The following TUFT1 variants were observed in gnomAD, a reference collection of about 807,000 sequenced individuals.
The protein encoded by TUFT1 is tuftelin 1, also known as tuftelin.
In TUFT1, 43 loss-of-function variants were observed where a neutral mutation model predicts 57.8. The ratio of observed to expected loss-of-function variants is 0.74; its 90% CI spans 0.58 to 0.96. The LOEUF is 0.96. Ranked by LOEUF, TUFT1 falls within the 40% of genes least tolerant of loss-of-function variation. TUFT1 has a pLI of 0.00. For missense variants in TUFT1, 459 were observed against 489.0 expected, an observed-to-expected ratio of 0.94 and a Z score of 0.58; for synonymous variants, 166 against 176.7, an observed-to-expected ratio of 0.94 and a Z score of 0.48.
chr1:151,578,164 A>G (rs562353811), intron 9 of TUFT1, among the ~76,000 whole-genome samples: 13 of 152,304 alleles, frequency 8.5e-5, no homozygotes, highest in East Asian at 3.9e-4. Flanking sequence ...TCCTGTGTTA[A>G]TATAAAAACA....
chr1:151,546,053 A>G (rs924647352), intron 1 of TUFT1, among the ~76,000 whole-genome samples: 2 of 122,048 alleles, frequency 1.6e-5, no homozygotes, highest in African/African-American at 3.4e-5. Context: ...CCATTACTTT[A>G]ATGCATTTTA....
intron 1 of TUFT1, 78 bp downstream of exon 1, chr1:151,540,504 G>GTGT: frequency 6.4e-7 from 1 of 1,552,518 alleles, no homozygotes; most frequent in South Asian, 1.1e-5. Context: ...GCCCCGCGCC[G>GTGT]TGTTGGCTGA....
chr1:151,576,588 T>C (rs1365895925), intron 9 of TUFT1, among the ~76,000 whole-genome samples: 1 of 152,228 alleles, frequency 6.6e-6, no homozygotes, highest in African/African-American at 2.4e-5. Context: ...GTTAACTTGC[T>C]GTAATGGGTT....
At chr1:151,562,910 G>A (rs903120583) in intron 3 of TUFT1, among the ~76,000 whole-genome samples, 1 of 152,196 alleles carries the variant, frequency 6.6e-6, no homozygotes, top group Admixed American at 6.5e-5. Context: ...CAGGCAAGGG[G>A]ATGGACTGGA....
chr1:151,574,216 C>T (rs1199452060), intron 7 of TUFT1, 54 bp from the exon 8 acceptor site: 9 of 1,566,314 alleles, frequency 5.7e-6, no homozygotes, highest in Non-Finnish European at 7.8e-6. Flanking sequence ...AGGTTTTTTT[C>T]CATGTTTGCT....
chr1:151,567,230 T>C (rs1419224128), intron 6 of TUFT1, among the ~76,000 whole-genome samples: 1 of 151,652 alleles, frequency 6.6e-6, no homozygotes, highest in East Asian at 1.9e-4. Flanking sequence ...TTATTATTTT[T>C]TGGGACAGGG....
intron 1 of TUFT1, among the ~76,000 whole-genome samples, chr1:151,552,646 G>A (rs1235731161): frequency 4.2e-5 from 6 of 141,826 alleles, no homozygotes; most frequent in Non-Finnish European, 9.0e-5. Context: ...GGAGGTTGCA[G>A]TGAGCCGAGA....
At chr1:151,573,785 C>T (rs1012081273) in intron 7 of TUFT1, among the ~76,000 whole-genome samples, 5 of 152,144 alleles carry the variant, frequency 3.3e-5, no homozygotes, top group Admixed American at 2.6e-4. Context: ...ACAAATTCTT[C>T]CTGATGCTTA....
intron 1 of TUFT1, 117 bp from the exon 2 acceptor site, chr1:151,561,974 G>A: frequency 6.7e-7 from 1 of 1,484,266 alleles, no homozygotes; most frequent in South Asian, 1.2e-5. Context: ...AGTCTGTGAA[G>A]TGGTGATGAT....
intron 1 of TUFT1, among the ~76,000 whole-genome samples, chr1:151,549,367 G>A (rs915362627): frequency 3.3e-5 from 5 of 152,196 alleles, no homozygotes; most frequent in Non-Finnish European, 4.4e-5. Flanking sequence ...TGCAGGCCGA[G>A]GTCTGTGGCC....
intron 4 of TUFT1, 143 bp downstream of exon 4, chr1:151,564,133 G>C (rs1022498662): frequency 3.1e-6 from 2 of 654,784 alleles, no homozygotes; most frequent in Non-Finnish European, 5.2e-6. Context: ...CCTCCCGTGT[G>C]TCAAATATAT....
At chr1:151,569,566 T>G in intron 6 of TUFT1, 91 bp from the exon 7 acceptor site, 1 of 1,048,538 alleles carries the variant, frequency 9.5e-7, no homozygotes, top group Non-Finnish European at 1.5e-6. Flanking sequence ...GACGAGATGG[T>G]CCAAACCAGT....
chr1:151,551,821 A>G (rs1419265834), intron 1 of TUFT1, among the ~76,000 whole-genome samples: 3 of 152,222 alleles, frequency 2.0e-5, no homozygotes, highest in African/African-American at 7.2e-5. Flanking sequence ...TAATACCATA[A>G]TAAGGAGTTT....
chr1:151,545,267 G>A (rs1665297417), intron 1 of TUFT1, among the ~76,000 whole-genome samples: 1 of 151,644 alleles, frequency 6.6e-6, no homozygotes, highest in Admixed American at 6.6e-5. Context: ...CCGAGATCAC[G>A]CCATTGCACT....
intron 2 of TUFT1, 157 bp from the exon 3 acceptor site, chr1:151,562,428 C>T (rs757030923): frequency 1.1e-5 from 8 of 709,048 alleles, no homozygotes; most frequent in South Asian, 3.6e-5. Context: ...GTTAGAAGTT[C>T]GGAAACGAAT....
chr1:151,581,897 T>C lies in TUFT1; in HGVS notation c.*190T>C. Reference sequence around the variant, plus strand: ...GCTGGGCAGACGGAGCACGAGCACCTATTCAAGGCACTGCAGCCCTTTGGA... The same window carrying C: ...GCTGGGCAGACGGAGCACGAGCACCCATTCAAGGCACTGCAGCCCTTTGGA... On this transcript the variant is annotated 3_prime_UTR_variant, in exon 13 of 13. Transcript: ENST00000368849. The C allele has an allele frequency of 3.1e-6, 2 of 639,382 alleles. No homozygotes were observed. Among genetic ancestry groups the C allele is most frequent in the South Asian group, 3.6e-5 (2 of 54,840 alleles). The allele number at this position is 639,382 out of a possible 1,614,324, so 39.6% of individuals were successfully genotyped here. A position where few individuals can be genotyped will look rare whatever the true frequency, so the allele number is the denominator to read the frequency against.
intron 11 of TUFT1, among the ~76,000 whole-genome samples, chr1:151,579,960 C>T (rs1400454167): frequency 6.6e-6 from 1 of 152,220 alleles, no homozygotes; most frequent in Non-Finnish European, 1.5e-5. Flanking sequence ...CCACCTTCAA[C>T]GGACATGTCA....
At chr1:151,569,807 G>C in intron 7 of TUFT1, 37 bp downstream of exon 7, 1 of 1,529,378 alleles carries the variant, frequency 6.5e-7, no homozygotes, top group East Asian at 2.3e-5. Context: ...TGCCCTAAGG[G>C]ATGGGCTACT....
At chr1:151,569,536 T>C (rs1198358323) in intron 6 of TUFT1, 121 bp from the exon 7 acceptor site, 2 of 731,322 alleles carry the variant, frequency 2.7e-6, no homozygotes, top group Non-Finnish European at 4.8e-6. Flanking sequence ...TGATGACAGT[T>C]CTTTTTTGAG....
Sources: gnomAD v4.1 joint callset for allele counts (sites outside exome capture counted in the v4.1 genomes callset) on GRCh38, gnomAD v4.1.1 for gene constraint, MANE v1.5 for transcripts, NCBI Gene and HGNC (gene_info 2026-07-23, HGNC 2026-07-21) for gene names.